The following FAM168A variants were observed in gnomAD, a reference collection of about 807,000 sequenced individuals.
The protein encoded by FAM168A is protein FAM168A.
FAM168A carries 3 observed loss-of-function variants against 28.5 expected under a neutral mutation model. That is an observed-to-expected ratio of 0.11 (90% CI 0.05 to 0.27). The LOEUF (loss-of-function observed/expected upper bound fraction) is 0.27. Ranked by LOEUF, FAM168A falls within the 10% of genes least tolerant of loss-of-function variation. FAM168A has a pLI of 1.00. For synonymous variants in FAM168A, 122 were observed against 124.2 expected (o/e 0.98, Z 0.12); for missense variants, 222 against 311.5 (o/e 0.71, Z 2.16).
chr11:73,540,719 T>C (rs1486824516), intron 1 of FAM168A, among the ~76,000 whole-genome samples: 1 of 152,230 alleles, frequency 6.6e-6, no homozygotes, highest in Non-Finnish European at 1.5e-5. Context: ...ATATGGTGTT[T>C]CCTTATCTTG....
rs1243757792 is a variant in FAM168A at position 73,401,847 on chromosome 11, A to AG, written c.*4915dup. ...AGGGACTGGGACCCAAGTCTGGCTT[A>AG]GGCAGGGCTGGCCATGGAATGTTGA... On this transcript the variant is annotated 3_prime_UTR_variant, in exon 8 of 8. Coordinates refer to ENST00000356467, the MANE Select transcript of FAM168A (RefSeq NM_015159.3). The AG allele has an allele frequency of 6.6e-6, 1 of 152,162 alleles. No individual in the cohort carries two copies. The highest frequency in any genetic ancestry group is 1.5e-5 in the Non-Finnish European group (1 of 68,056). The allele number at this position is 152,162 out of a possible 1,614,324, so 9.4% of individuals were successfully genotyped here. A position where few individuals can be genotyped will look rare whatever the true frequency, so the allele number is the denominator to read the frequency against.
Position 73,406,705 on chromosome 11 carries a change from G to T in FAM168A, c.*58C>A, listed in dbSNP as rs954945238. 6.5e-6 allele frequency: 1 copy of T among 152,734 alleles called. No homozygotes were observed. The highest frequency in any genetic ancestry group is 2.4e-5 in the African/African-American group (1 of 41,464). The allele number at this position is 152,734 out of a possible 1,614,324, so 9.5% of individuals were successfully genotyped here. A position where few individuals can be genotyped will look rare whatever the true frequency, so the allele number is the denominator to read the frequency against. On this transcript the variant is annotated 3_prime_UTR_variant, in exon 8 of 8. Coordinates refer to ENST00000356467, the MANE Select transcript of FAM168A (RefSeq NM_015159.3). ...GCTAGGGAACTGCTCCAGCACCGGT[G>T]TAAGACTTGAGTAGTTGCATACAAT...
intron 2 of FAM168A, among the ~76,000 whole-genome samples, chr11:73,462,053 T>C (rs1015654584): frequency 2.0e-5 from 3 of 152,122 alleles, no homozygotes; most frequent in African/African-American, 4.8e-5. Context: ...GAAAACAGTA[T>C]GGCAGTTCCT....
intron 2 of FAM168A, among the ~76,000 whole-genome samples, chr11:73,457,993 G>A (rs1867572458): frequency 6.6e-6 from 1 of 151,978 alleles, no homozygotes; most frequent in Admixed American, 6.6e-5. Flanking sequence ...AAAGTGCTTG[G>A]CACTCCACTG....
intron 1 of FAM168A, among the ~76,000 whole-genome samples, chr11:73,511,233 T>A (rs922855057): frequency 4.0e-5 from 6 of 151,284 alleles, no homozygotes; most frequent in Non-Finnish European, 7.4e-5. Flanking sequence ...AGCACTGAAT[T>A]TTTCTTTTTT....
intron 1 of FAM168A, among the ~76,000 whole-genome samples, chr11:73,470,669 T>C (rs1432463907): frequency 6.6e-6 from 1 of 152,154 alleles, no homozygotes; most frequent in Non-Finnish European, 1.5e-5. Flanking sequence ...AAGAAGGCCC[T>C]TGACAGATGC....
chr11:73,573,024 A>G (rs953540494), intron 1 of FAM168A, among the ~76,000 whole-genome samples: 1 of 152,180 alleles, frequency 6.6e-6, no homozygotes, highest in Non-Finnish European at 1.5e-5. Context: ...CATAAAATTA[A>G]GCATTCTAGC....
chr11:73,486,204 A>G (rs1868051618), intron 1 of FAM168A, among the ~76,000 whole-genome samples: 1 of 152,224 alleles, frequency 6.6e-6, no homozygotes, highest in African/African-American at 2.4e-5. Flanking sequence ...TACAATATAC[A>G]TAACACAAAA....
intron 1 of FAM168A, among the ~76,000 whole-genome samples, chr11:73,524,525 T>C (rs1293488121): frequency 1.3e-5 from 2 of 152,100 alleles, no homozygotes; most frequent in Admixed American, 6.5e-5. Context: ...TTCTTTCCTC[T>C]TCTATTTTCT....
At chr11:73,466,567 G>A (rs1009986718) in intron 2 of FAM168A, among the ~76,000 whole-genome samples, 1 of 151,914 alleles carries the variant, frequency 6.6e-6, no homozygotes, top group African/African-American at 2.4e-5. Context: ...CCATATAAAT[G>A]CTTACTGTAA....
At chr11:73,452,303 T>A (rs534155799) in intron 2 of FAM168A, 1 of 152,382 alleles carries the variant, frequency 6.6e-6, no homozygotes, top group South Asian at 2.1e-4. Flanking sequence ...GAGATTACAG[T>A]CCCTCTGGCA....
At chr11:73,439,145 T>A (rs1590776254) in intron 2 of FAM168A, among the ~76,000 whole-genome samples, 1 of 152,162 alleles carries the variant, frequency 6.6e-6, no homozygotes, top group Non-Finnish European at 1.5e-5. Flanking sequence ...GCTCTGAACC[T>A]GTCCACCAGA....
At chr11:73,426,879 G>T (rs1280052584) in intron 3 of FAM168A, among the ~76,000 whole-genome samples, 1 of 152,108 alleles carries the variant, frequency 6.6e-6, no homozygotes, top group Non-Finnish European at 1.5e-5. Context: ...GATTTTGTGT[G>T]TTTTTGAGAA....
intron 1 of FAM168A, among the ~76,000 whole-genome samples, chr11:73,572,207 CA>C (rs1565303842): frequency 9.7e-5 from 3 of 31,052 alleles, no homozygotes; most frequent in African/African-American, 9.2e-5. Flanking sequence ...GGAGGGAGGT[CA>C]GGGGTCAGCC....
At chr11:73,553,548 T>C (rs1286176991) in intron 1 of FAM168A, among the ~76,000 whole-genome samples, 2 of 152,160 alleles carry the variant, frequency 1.3e-5, no homozygotes, top group African/African-American at 2.4e-5. Context: ...TATGGGGAGT[T>C]AGAGCCACTC....
intron 1 of FAM168A, among the ~76,000 whole-genome samples, chr11:73,490,026 A>C (rs1868107369): frequency 1.3e-5 from 2 of 152,098 alleles, no homozygotes. Flanking sequence ...CTACATTTTT[A>C]TATTTACCAC....
At chr11:73,523,685 G>A (rs1943413850) in intron 1 of FAM168A, among the ~76,000 whole-genome samples, 1 of 152,016 alleles carries the variant, frequency 6.6e-6, no homozygotes, top group Non-Finnish European at 1.5e-5. Flanking sequence ...CTGGACCCAA[G>A]CCATCTTCCC....
chr11:73,591,892 G>A (rs577701551), intron 1 of FAM168A, among the ~76,000 whole-genome samples: 5 of 152,138 alleles, frequency 3.3e-5, no homozygotes, highest in South Asian at 2.1e-4. Flanking sequence ...ATAAAATGGC[G>A]CCATTATATT....
chr11:73,597,500 C>T (rs1944450595), intron 1 of FAM168A, among the ~76,000 whole-genome samples: 1 of 152,010 alleles, frequency 6.6e-6, no homozygotes, highest in Non-Finnish European at 1.5e-5. Flanking sequence ...TCCCCTGCCC[C>T]TCACCCCAGC....
Sources: allele counts gnomAD v4.1 joint callset (sites outside exome capture counted in the v4.1 genomes callset), GRCh38; gene constraint gnomAD v4.1.1; transcripts MANE v1.5; gene names NCBI Gene and HGNC (gene_info 2026-07-23, HGNC 2026-07-21).